Variants in VTI1A observed in about 807,000 individuals in gnomAD.
The protein encoded by VTI1A is vesicle transport through interaction with t-SNAREs homolog 1A.
Under a neutral mutation model 34.9 loss-of-function variants are expected in VTI1A, and 22 were observed. That is an observed-to-expected ratio of 0.63 (90% CI 0.45 to 0.90). The LOEUF is 0.90. Among genes scored for constraint, VTI1A ranks in the 40% least tolerant of loss-of-function variants. The probability of loss-of-function intolerance (pLI) is 0.00; values close to 1 mark genes in which losing one functional copy is unlikely to be tolerated. For synonymous variants in VTI1A, 87 were observed against 97.3 expected, an observed-to-expected ratio of 0.89 and a Z score of 0.62; for missense variants, 268 against 275.6, an observed-to-expected ratio of 0.97 and a Z score of 0.20.
intron 7 of VTI1A, among the ~76,000 whole-genome samples, chr10:112,794,925 G>C (rs111845900): frequency 0.02 from 2,988 of 152,180 alleles, 41 homozygotes; most frequent in Middle Eastern, 0.062. Context: ...TCAACTCACC[G>C]ATATTATATG....
intron 7 of VTI1A, among the ~76,000 whole-genome samples, chr10:112,725,410 C>T (rs1849984316): frequency 1.3e-5 from 2 of 152,114 alleles, no homozygotes; most frequent in African/African-American, 4.8e-5. Context: ...GATGCAAATT[C>T]AACTGTATCA....
At position 112,722,562 on chromosome 10, in the gene VTI1A, G is replaced by A. The variant is rs1019186070; in HGVS notation, c.560+53564G>A. Among the ~76,000 whole-genome samples the A allele has an allele frequency of 4.0e-4, 61 of 152,084 alleles. 1 individual carries two copies. Among genetic ancestry groups the A allele is most frequent in the Admixed American group, 2.0e-4 (3 of 15,268 alleles). ...AAGATTTGATATGAGCCTGCAACAT[G>A]CTGTTGTTCTTTGTGACTATCCAAG... On this transcript the variant is annotated intron_variant, in intron 7 of 7. Transcript: ENST00000393077.
At chr10:112,530,739 G>C (rs1403105496) in intron 4 of VTI1A, among the ~76,000 whole-genome samples, 2 of 152,138 alleles carry the variant, frequency 1.3e-5, no homozygotes, top group Non-Finnish European at 2.9e-5. Flanking sequence ...TGCATAAAGT[G>C]TGTCAAACTT....
chr10:112,548,780 T>C (rs1248040701), intron 5 of VTI1A: 2 of 1,487,672 alleles, frequency 1.3e-6, no homozygotes, highest in Non-Finnish European at 1.8e-6. Flanking sequence ...TCGACACACA[T>C]GGGCTTGCCA....
the VTI1A span, among the ~76,000 whole-genome samples, chr10:112,848,835 G>T: frequency 7.2e-5 from 11 of 152,152 alleles, no homozygotes; most frequent in African/African-American, 2.7e-4. Flanking sequence ...AGGCCCCCAG[G>T]AGGAGGTGAC....
chr10:112,789,762 TTTC>T (rs1852400059), intron 7 of VTI1A, among the ~76,000 whole-genome samples: 2 of 152,238 alleles, frequency 1.3e-5, no homozygotes, highest in Admixed American at 6.5e-5. Flanking sequence ...TCTGTTGAGA[TTTC>T]TTCTTTGTTG....
At chr10:112,585,391 CT>C (rs890125781) in intron 5 of VTI1A, among the ~76,000 whole-genome samples, 7 of 151,458 alleles carry the variant, frequency 4.6e-5, no homozygotes, top group South Asian at 2.1e-4. Context: ...CAGCTTGTTA[CT>C]TTTTTTTTGC....
chr10:112,631,658 C>G (rs1034073842), intron 5 of VTI1A, among the ~76,000 whole-genome samples: 2 of 152,224 alleles, frequency 1.3e-5, no homozygotes. Flanking sequence ...GCTATTAACT[C>G]CCTGAAAGCC....
At chr10:112,455,836 G>T (rs1269280404) in intron 1 of VTI1A, among the ~76,000 whole-genome samples, 2 of 152,022 alleles carry the variant, frequency 1.3e-5, no homozygotes, top group South Asian at 4.2e-4. Context: ...AAAAGAAAAT[G>T]ATCTAATTGT....
intron 3 of VTI1A, among the ~76,000 whole-genome samples, chr10:112,478,235 A>G (rs1224410528): frequency 6.6e-6 from 1 of 152,238 alleles, no homozygotes; most frequent in East Asian, 1.9e-4. Context: ...TAGTCAGAAA[A>G]GCCCAGGCAG....
intron 5 of VTI1A, among the ~76,000 whole-genome samples, chr10:112,585,652 A>G (rs1844120285): frequency 7.2e-6 from 1 of 138,780 alleles, no homozygotes; most frequent in Non-Finnish European, 1.5e-5. Context: ...ACAACAAAAG[A>G]TTGTGGATTT....
At position 112,680,844 on chromosome 10, in the gene VTI1A, C is replaced by G. The variant is rs531686238; in HGVS notation, c.560+11846C>G. Reference sequence around the variant, plus strand: ...TTAACCCACATATGGCATTATGCCTCTTTCCTTCTCATGGCAGCTTCAAGG... The same window carrying G: ...TTAACCCACATATGGCATTATGCCTGTTTCCTTCTCATGGCAGCTTCAAGG... On this transcript the variant is annotated intron_variant, in intron 7 of 7. Coordinates refer to ENST00000393077, the MANE Select transcript of VTI1A (RefSeq NM_145206.4). Among the ~76,000 whole-genome samples the G allele has an allele frequency of 2.2e-4, 33 of 152,248 alleles. No individual in the cohort carries two copies. The South Asian group carries it at 6.8e-3, about 32-fold the overall frequency.
chr10:112,532,080 C>T (rs1850465823), intron 4 of VTI1A, among the ~76,000 whole-genome samples: 1 of 152,056 alleles, frequency 6.6e-6, no homozygotes, highest in Non-Finnish European at 1.5e-5. Context: ...ACTTATGTAC[C>T]CTTTTTATAA....
intron 7 of VTI1A, among the ~76,000 whole-genome samples, chr10:112,766,393 G>A (rs964072253): frequency 1.3e-5 from 2 of 152,176 alleles, no homozygotes; most frequent in Non-Finnish European, 2.9e-5. Flanking sequence ...ATTCAGTTAA[G>A]AGCTGTGTAT....
chr10:112,530,489 A>G (rs1242843711), intron 4 of VTI1A, among the ~76,000 whole-genome samples: 1 of 152,192 alleles, frequency 6.6e-6, no homozygotes, highest in Non-Finnish European at 1.5e-5. Flanking sequence ...GTGAAGTGTG[A>G]TAATGGGGCA....
intron 5 of VTI1A, among the ~76,000 whole-genome samples, chr10:112,560,921 C>T (rs1399539939): frequency 6.6e-6 from 1 of 152,024 alleles, no homozygotes; most frequent in Non-Finnish European, 1.5e-5. Context: ...CAAAAAGTTT[C>T]TCACTAACCT....
intron 7 of VTI1A, chr10:112,671,809 C>G (rs938054832): frequency 6.6e-6 from 1 of 152,180 alleles, no homozygotes; most frequent in Non-Finnish European, 1.5e-5. Flanking sequence ...ATCTACCACT[C>G]ATGCTTTTTA....
At position 112,786,896 on chromosome 10, in the gene VTI1A, TTTTTATCCGGGTGATACGGCCCTCATAGA is replaced by T. The variant is rs1852305362; in HGVS notation, c.561-28393_561-28365del. Among the ~76,000 whole-genome samples the T allele has an allele frequency of 2.6e-5, 4 of 152,354 alleles. No homozygotes were observed. The South Asian group carries it at 8.3e-4, about 32-fold the overall frequency. ...TTTCTTGTAATATTTTTGTTTAACT[TTTTTATCCGGGTGATACGGCCCTCATAGA>T]ACAAGTTGGCATAGTCTCTCCATTA... is the stretch of plus-strand genomic sequence containing the variant. On this transcript the variant is annotated intron_variant, in intron 7 of 7. Coordinates refer to ENST00000393077, the MANE Select transcript of VTI1A (RefSeq NM_145206.4).
At chr10:112,674,114 T>C (rs972477172) in intron 7 of VTI1A, among the ~76,000 whole-genome samples, 2 of 152,184 alleles carry the variant, frequency 1.3e-5, no homozygotes, top group African/African-American at 4.8e-5. Flanking sequence ...TCATAGTACC[T>C]TGCATTTATA....
Sources: gnomAD v4.1 joint callset for allele counts (sites outside exome capture counted in the v4.1 genomes callset) on GRCh38, gnomAD v4.1.1 for gene constraint, MANE v1.5 for transcripts, NCBI Gene and HGNC (gene_info 2026-07-23, HGNC 2026-07-21) for gene names.